The following BLTP3B variants were observed in gnomAD, a reference collection of about 807,000 sequenced individuals.
The protein encoded by BLTP3B is UHRF1 (ICBP90) binding protein 1-like.
chr12:100,111,369 T>C, the BLTP3B span, among the ~76,000 whole-genome samples: 8 of 148,574 alleles, frequency 5.4e-5, no homozygotes, highest in African/African-American at 2.0e-4. Flanking sequence ...TCATGGCTCA[T>C]TTCAACCACG....
At chr12:100,113,203 C>A in the BLTP3B span, among the ~76,000 whole-genome samples, 1 of 151,146 alleles carries the variant, frequency 6.6e-6, no homozygotes, top group Admixed American at 6.6e-5. Context: ...CGGCCGGGTG[C>A]GGTGGCTCAT....
chr12:100,083,028 G>T, the BLTP3B span: 2 of 1,612,668 alleles, frequency 1.2e-6, no homozygotes, highest in Non-Finnish European at 1.7e-6. Flanking sequence ...GGTATATATT[G>T]AAATCTGCAA....
the BLTP3B span, chr12:100,047,417 G>A: frequency 1.3e-5 from 9 of 713,278 alleles, no homozygotes; most frequent in South Asian, 3.4e-5. Flanking sequence ...AGAATCACTC[G>A]AACCAGGGAG....
the BLTP3B span, among the ~76,000 whole-genome samples, chr12:100,052,802 T>TTTG: frequency 2.0e-5 from 3 of 148,644 alleles, no homozygotes; most frequent in African/African-American, 7.5e-5. Flanking sequence ...TTTTTTTTTT[T>TTTG]TTTTTTTTTA....
At chr12:100,084,995 T>C in the BLTP3B span, among the ~76,000 whole-genome samples, 1 of 152,074 alleles carries the variant, frequency 6.6e-6, no homozygotes, top group Admixed American at 6.6e-5. Flanking sequence ...CCAGAAAATA[T>C]TATCAAATAA....
At chr12:100,075,640 G>A in the BLTP3B span, among the ~76,000 whole-genome samples, 1 of 152,086 alleles carries the variant, frequency 6.6e-6, no homozygotes, top group Non-Finnish European at 1.5e-5. Context: ...AAGTCAACAA[G>A]CAAAAACCAA....
chr12:100,093,586 A>C, the BLTP3B span, among the ~76,000 whole-genome samples: 1 of 152,132 alleles, frequency 6.6e-6, no homozygotes, highest in Non-Finnish European at 1.5e-5. Context: ...TCCTGTTCAA[A>C]TCCATCCTAG....
chr12:100,092,848 AG>A, the BLTP3B span: 1 of 948,264 alleles, frequency 1.1e-6, no homozygotes, highest in South Asian at 4.9e-5. Flanking sequence ...ATTGCAAAAT[AG>A]TCTCCTGTAC....
At chr12:100,119,172 ATATTT>A in the BLTP3B span, among the ~76,000 whole-genome samples, 2 of 152,170 alleles carry the variant, frequency 1.3e-5, no homozygotes, top group African/African-American at 4.8e-5. Context: ...CAGAAACTGA[ATATTT>A]TAAACTACCA....
At chr12:100,038,409 C>T in the BLTP3B span, among the ~76,000 whole-genome samples, 1 of 152,164 alleles carries the variant, frequency 6.6e-6, no homozygotes, top group Non-Finnish European at 1.5e-5. Context: ...AATCTCAGCT[C>T]ACTGCAGCCT....
At chr12:100,114,764 T>G in the BLTP3B span, among the ~76,000 whole-genome samples, 1 of 152,200 alleles carries the variant, frequency 6.6e-6, no homozygotes, top group Non-Finnish European at 1.5e-5. Context: ...ATTAAATCCT[T>G]TCACAGCCCA....
the BLTP3B span, among the ~76,000 whole-genome samples, chr12:100,131,036 A>G: frequency 1.9e-5 from 2 of 105,112 alleles, no homozygotes; most frequent in East Asian, 3.4e-4. Context: ...AGAGAGAGAA[A>G]GAGTTTTTTG....
chr12:100,100,727 AT>A, the BLTP3B span, among the ~76,000 whole-genome samples: 52,905 of 144,696 alleles, frequency 0.37, 12,334 homozygotes, highest in African/African-American at 0.68. Context: ...TTCACATTCT[AT>A]TTTTTTTTTT....
chr12:100,138,966 T>C, the BLTP3B span, among the ~76,000 whole-genome samples: 1 of 152,224 alleles, frequency 6.6e-6, no homozygotes, highest in East Asian at 1.9e-4. Context: ...GAAGTTTCCA[T>C]TCCCATGTGA....
At chr12:100,059,726 TAAG>T in the BLTP3B span, 1 of 1,176,346 alleles carries the variant, frequency 8.5e-7, no homozygotes, top group Non-Finnish European at 1.2e-6. Flanking sequence ...ACATGACCAC[TAAG>T]AAGAGAATCT....
chr12:100,110,790 A>T, the BLTP3B span, among the ~76,000 whole-genome samples: 1 of 152,176 alleles, frequency 6.6e-6, no homozygotes, highest in East Asian at 1.9e-4. Flanking sequence ...GAGGGAGATG[A>T]TATAAAGTGG....
chr12:100,120,359 C>A, the BLTP3B span, among the ~76,000 whole-genome samples: 1 of 151,540 alleles, frequency 6.6e-6, no homozygotes, highest in Non-Finnish European at 1.5e-5. Flanking sequence ...GGTGACAGAG[C>A]AAGATTCCAT....
At chr12:100,109,159 CCTCTCTCTCTCTCTCTCTCT>C in the BLTP3B span, among the ~76,000 whole-genome samples, 370 of 65,372 alleles carry the variant, frequency 5.7e-3, 2 homozygotes, top group African/African-American at 0.015. Flanking sequence ...TGGCAGTTTT[CCTCTCTCTCTCTCTCTCTCT>C]CTCTCTCTCT....
chr12:100,089,114 G>A, the BLTP3B span: 1 of 1,458,720 alleles, frequency 6.9e-7, no homozygotes, highest in Non-Finnish European at 9.1e-7. Context: ...ATTCGAAACT[G>A]CCTTATCACT....
Sources: allele counts gnomAD v4.1 joint callset (sites outside exome capture counted in the v4.1 genomes callset), GRCh38; gene constraint gnomAD v4.1.1; transcripts MANE v1.5; gene names NCBI Gene and HGNC (gene_info 2026-07-23, HGNC 2026-07-21).